The following KMO variants were observed in gnomAD, a reference collection of about 807,000 sequenced individuals.
KMO encodes the protein kynurenine 3-monooxygenase.
Under a neutral mutation model 57.8 loss-of-function variants are expected in KMO, and 24 were observed. That is an observed-to-expected ratio of 0.42 (90% CI 0.30 to 0.58). KMO has a LOEUF of 0.58. KMO is among the 20% of genes least tolerant of loss of function. The pLI is 0.22. For synonymous variants in KMO, 210 were observed against 193.6 expected, an observed-to-expected ratio of 1.08 and a Z score of -0.70; for missense variants, 483 against 588.2, an observed-to-expected ratio of 0.82 and a Z score of 1.85.
chr1:241,578,358 G>A (rs1314776666), intron 10 of KMO, among the ~76,000 whole-genome samples: 1 of 152,136 alleles, frequency 6.6e-6, no homozygotes, highest in Non-Finnish European at 1.5e-5. Context: ...TGGGACTCAA[G>A]TCCTGCTCTC....
At chr1:241,544,176 T>A (rs1019276419) in intron 1 of KMO, among the ~76,000 whole-genome samples, 13 of 152,210 alleles carry the variant, frequency 8.5e-5, no homozygotes, top group African/African-American at 2.2e-4. Context: ...CATTAGATTT[T>A]CACTGATCAC....
intron 4 of KMO, among the ~76,000 whole-genome samples, chr1:241,554,258 CCTTCCTT>C (rs1661521275): frequency 1.3e-5 from 2 of 150,538 alleles, no homozygotes; most frequent in African/African-American, 4.9e-5. Context: ...TTCCTTCCTT[CCTTCCTT>C]CCTTCCTTCC....
chr1:241,566,366 C>A, intron 8 of KMO, 125 bp from the exon 9 acceptor site: 1 of 1,074,472 alleles, frequency 9.3e-7, no homozygotes, highest in Non-Finnish European at 1.3e-6. Context: ...CCTTTCCTGT[C>A]TGCTTGGACA....
intron 1 of KMO, among the ~76,000 whole-genome samples, chr1:241,542,422 C>CATA (rs1166613872): frequency 6.6e-6 from 1 of 152,168 alleles, no homozygotes; most frequent in East Asian, 1.9e-4. Context: ...TGGGTAAATC[C>CATA]ATAATTATGT....
At chr1:241,562,900 AAGGAAG>A (rs1661916713) in intron 7 of KMO, among the ~76,000 whole-genome samples, 3 of 64,426 alleles carry the variant, frequency 4.7e-5, no homozygotes, top group African/African-American at 2.0e-4. Flanking sequence ...GGAAGGAAGG[AAGGAAG>A]GAAGGAAGGA....
intron 1 of KMO, among the ~76,000 whole-genome samples, chr1:241,547,723 A>G (rs183544851): frequency 4.5e-4 from 69 of 152,356 alleles, no homozygotes; most frequent in Non-Finnish European, 1.5e-5. Context: ...GCTGGCAAAG[A>G]TAAATTTTCA....
chr1:241,537,630 G>A (rs1660794579), intron 1 of KMO, among the ~76,000 whole-genome samples: 1 of 152,080 alleles, frequency 6.6e-6, no homozygotes. Flanking sequence ...CTGAGACTGG[G>A]CAATTTATAA....
At chr1:241,579,055 G>A (rs1346332256) in intron 10 of KMO, among the ~76,000 whole-genome samples, 1 of 152,104 alleles carries the variant, frequency 6.6e-6, no homozygotes, top group Non-Finnish European at 1.5e-5. Flanking sequence ...TGGGAATTAT[G>A]GGAGATACAA....
chr1:241,558,073 TG>T (rs984591097), intron 5 of KMO, among the ~76,000 whole-genome samples: 4 of 152,244 alleles, frequency 2.6e-5, no homozygotes, highest in Non-Finnish European at 4.4e-5. Flanking sequence ...TTAGAGAGCT[TG>T]GATCACACTG....
intron 5 of KMO, among the ~76,000 whole-genome samples, chr1:241,560,197 G>C (rs933923220): frequency 6.6e-5 from 10 of 152,140 alleles, no homozygotes; most frequent in African/African-American, 1.9e-4. Context: ...ATTTCAAAGA[G>C]ATTTAAAATC....
At chr1:241,563,916 G>A (rs1661976085) in intron 7 of KMO, among the ~76,000 whole-genome samples, 1 of 152,080 alleles carries the variant, frequency 6.6e-6, no homozygotes, top group Non-Finnish European at 1.5e-5. Flanking sequence ...TTGGAGTTGG[G>A]GGCAAGAGAT....
At chr1:241,570,131 C>A (rs192190286) in intron 10 of KMO, among the ~76,000 whole-genome samples, 2 of 151,886 alleles carry the variant, frequency 1.3e-5, no homozygotes, top group African/African-American at 4.8e-5. Context: ...ATTATTAATC[C>A]CTTGTCAGAT....
At chr1:241,548,431 G>A (rs1323334388) in intron 1 of KMO, among the ~76,000 whole-genome samples, 1 of 152,092 alleles carries the variant, frequency 6.6e-6, no homozygotes, top group Non-Finnish European at 1.5e-5. Flanking sequence ...GGGAGGAGGT[G>A]GGGGGAGTTT....
intron 1 of KMO, 107 bp from the exon 2 acceptor site, chr1:241,548,722 A>T (rs75398491): frequency 1.4e-4 from 89 of 632,198 alleles, no homozygotes; most frequent in African/African-American, 1.4e-3. Flanking sequence ...GACCACACAC[A>T]ATGTGAGGCT....
chr1:241,589,576 A>G (rs940224796), intron 12 of KMO, among the ~76,000 whole-genome samples: 8 of 152,304 alleles, frequency 5.3e-5, no homozygotes, highest in Admixed American at 3.3e-4. Flanking sequence ...TAAAAACGGG[A>G]TGGCTACGAC....
intron 10 of KMO, among the ~76,000 whole-genome samples, chr1:241,569,518 A>G (rs1480435282): frequency 6.6e-6 from 1 of 152,144 alleles, no homozygotes; most frequent in Non-Finnish European, 1.5e-5. Flanking sequence ...ATAATATTCC[A>G]TTGTGAATAT....
Position 241,548,829 on chromosome 1 carries a change from G to T in KMO, c.55G>T (p.Val19Phe). 2 of 1,566,918 alleles carry T rather than the reference G, an allele frequency of 1.3e-6. No individual in the cohort carries two copies. The highest frequency in any genetic ancestry group is 1.8e-6 in the Non-Finnish European group (2 of 1,139,036). ...KKVAVIGGGLVGSLQACFLAK... is the reference protein window; with the variant it reads ...KKVAVIGGGLFGSLQACFLAK... ...TATTTAATTTTTTTTTAATTTCTAG[G>T]TTGGCTCATTACAAGCATGCTTTCT... Residue 19 changes from valine (V) to phenylalanine (F), a missense_variant and splice_region_variant, in exon 2 of 15, where the codon GTT (valine) becomes TTT (phenylalanine). This residue lies in a region of KMO where 70 missense variants were observed against 78.4 expected (regional missense o/e 0.89). Transcript: ENST00000366559.
chr1:241,534,465 C>T lies in KMO; in HGVS notation c.54+1967C>T, dbSNP rs950134968. The stretch of plus-strand genomic sequence containing the variant: ...AATAGGAGACAAAAATTACTACTTG[C>T]GTATTAGGGAGCAACTAAAATTCCT... On this transcript the variant is annotated intron_variant, in intron 1 of 14. Coordinates refer to ENST00000366559, the MANE Select transcript of KMO (RefSeq NM_003679.5). 5.3e-5 allele frequency among the ~76,000 whole-genome samples: 8 copies of T among 152,182 alleles called. 1 individual carries two copies. Among genetic ancestry groups the T allele is most frequent in the Admixed American group, 2.6e-4 (4 of 15,272 alleles).
intron 1 of KMO, among the ~76,000 whole-genome samples, chr1:241,539,551 A>G (rs1014851074): frequency 2.6e-5 from 4 of 152,216 alleles, no homozygotes; most frequent in African/African-American, 7.2e-5. Context: ...CAAAACTCCC[A>G]ACAAAACCTT....
Sources: gnomAD v4.1 joint callset for allele counts (sites outside exome capture counted in the v4.1 genomes callset) on GRCh38, gnomAD v4.1.1 for gene constraint, gnomAD v4.1.1 regional missense constraint, MANE v1.5 for transcripts, NCBI Gene and HGNC (gene_info 2026-07-23, HGNC 2026-07-21) for gene names.